The following GALK2 variants were observed in gnomAD, a reference collection of about 807,000 sequenced individuals.
GALK2 encodes the protein galactokinase 2.
GALK2 carries 36 observed loss-of-function variants against 52.4 expected under a neutral mutation model. The observed-to-expected ratio is 0.69, with a 90% CI of 0.53 to 0.91. The LOEUF (loss-of-function observed/expected upper bound fraction) is 0.91, where lower values mean the gene tolerates loss of function less well. Ranked by LOEUF, GALK2 falls within the 40% of genes least tolerant of loss-of-function variation. GALK2 has a pLI of 0.00. For missense variants in GALK2, 579 were observed against 559.1 expected (o/e 1.04, Z -0.36); for synonymous variants, 176 against 199.1 (o/e 0.88, Z 0.98).
chr15:49,268,852 A>G (rs1399458184), intron 5 of GALK2, among the ~76,000 whole-genome samples: 1 of 152,192 alleles, frequency 6.6e-6, no homozygotes, highest in Non-Finnish European at 1.5e-5. Flanking sequence ...GTTCCATTAG[A>G]AATTACTTCC....
intron 3 of GALK2, among the ~76,000 whole-genome samples, chr15:49,347,025 A>G (rs2041604759): frequency 6.6e-6 from 1 of 152,266 alleles, no homozygotes; most frequent in Non-Finnish European, 1.5e-5. Flanking sequence ...AGGAAATAAC[A>G]TCATTGTTGG....
chr15:49,328,133 G>T lies in GALK2; in HGVS notation c.1351G>T (p.Gly451Trp). ...QSLFATKPGGGALVLLEA is the reference protein window; with the variant it reads ...QSLFATKPGGWALVLLEA ...TTTGTTTGCTACCAAACCTGGAGGT[G>T]GGGCTTTGGTTTTGCTTGAGGCCTG... is the stretch of plus-strand genomic sequence containing the variant. Residue 451 changes from glycine (G) to tryptophan (W), a missense_variant, in exon 10 of 10, where the codon GGG becomes TGG. Transcript: ENST00000560031. The T allele has an allele frequency of 1.2e-6, 2 of 1,614,010 alleles. No individual in the cohort carries two copies. The highest frequency in any genetic ancestry group is 1.1e-5 in the South Asian group (1 of 91,048).
exon 4 of GALK2, chr15:49,367,631 A>G: frequency 6.5e-7 from 1 of 1,528,686 alleles, no homozygotes; most frequent in Non-Finnish European, 8.7e-7. Context: ...GAAAATAATC[A>G]AGACAACGAT....
At chr15:49,166,054 G>T (rs751142867), upstream of GALK2, among the ~76,000 whole-genome samples, 1 of 151,768 alleles carries the variant, frequency 6.6e-6, no homozygotes, top group East Asian at 1.9e-4. Context: ...TGCCCGCCTC[G>T]GCCTCCCAAA....
chr15:49,311,363 A>G (rs1039876446), intron 8 of GALK2, among the ~76,000 whole-genome samples: 1 of 152,222 alleles, frequency 6.6e-6, no homozygotes, highest in African/African-American at 2.4e-5. Flanking sequence ...TCTTAGCATG[A>G]CATACAAAGT....
chr15:49,262,336 A>G (rs944145536), intron 5 of GALK2, among the ~76,000 whole-genome samples: 2 of 151,786 alleles, frequency 1.3e-5, no homozygotes, highest in Non-Finnish European at 2.9e-5. Flanking sequence ...TTTCTTCTGG[A>G]TTTTCTAGTT....
intron 1 of GALK2, among the ~76,000 whole-genome samples, chr15:49,198,385 G>T (rs925433875): frequency 1.3e-5 from 2 of 152,178 alleles, no homozygotes; most frequent in Non-Finnish European, 2.9e-5. Flanking sequence ...CTTCATGCCA[G>T]TGCTGGGCTG....
chr15:49,209,713 A>G lies in GALK2; in HGVS notation c.143-7477A>G, dbSNP rs898799504. Among the ~76,000 whole-genome samples, 11 of 152,150 alleles carry G rather than the reference A, an allele frequency of 7.2e-5. No homozygotes were observed. In the East Asian group the frequency reaches 1.9e-3, roughly 27 times the overall value. ...CTTGATCATGGTATATAATCTTTTT[A>G]TGGGCTCTTGGGTTCATTTTGCCAA... is the stretch of plus-strand genomic sequence containing the variant. On this transcript the variant is annotated intron_variant, in intron 2 of 9. Transcript: ENST00000560031.
At chr15:49,287,753 G>A (rs1408550328) in intron 7 of GALK2, among the ~76,000 whole-genome samples, 1 of 152,156 alleles carries the variant, frequency 6.6e-6, no homozygotes, top group Non-Finnish European at 1.5e-5. Context: ...GCTCCACATG[G>A]CAAAGTTGTA....
intron 3 of GALK2, among the ~76,000 whole-genome samples, chr15:49,352,576 G>A (rs1167195995): frequency 2.0e-5 from 3 of 152,100 alleles, no homozygotes; most frequent in Non-Finnish European, 2.9e-5. Flanking sequence ...CCTACCATAT[G>A]TATTTTCCTA....
chr15:49,269,785 A>G (rs1490414856), intron 5 of GALK2, among the ~76,000 whole-genome samples: 1 of 152,150 alleles, frequency 6.6e-6, no homozygotes, highest in Non-Finnish European at 1.5e-5. Context: ...CTGCTTCACA[A>G]ATTAGCCCTT....
At chr15:49,292,084 T>G (rs945425850) in intron 7 of GALK2, among the ~76,000 whole-genome samples, 1 of 151,898 alleles carries the variant, frequency 6.6e-6, no homozygotes, top group African/African-American at 2.4e-5. Context: ...TTGTGTGTGT[T>G]TGCGTGTGTG....
chr15:49,190,815 G>A (rs1010816721), intron 1 of GALK2, among the ~76,000 whole-genome samples: 14 of 152,174 alleles, frequency 9.2e-5, no homozygotes, highest in African/African-American at 3.4e-4. Flanking sequence ...GAATTCAGTT[G>A]TTTCTGTATG....
intron 3 of GALK2, among the ~76,000 whole-genome samples, chr15:49,227,411 T>C (rs1465325344): frequency 6.6e-6 from 1 of 152,164 alleles, no homozygotes; most frequent in African/African-American, 2.4e-5. Flanking sequence ...TTTTTTTGAC[T>C]TAAAGTCTAT....
intron 3 of GALK2, among the ~76,000 whole-genome samples, chr15:49,358,201 A>C (rs563914843): frequency 6.6e-6 from 1 of 150,632 alleles, no homozygotes; most frequent in South Asian, 2.1e-4. Context: ...CCTCCTCACC[A>C]CTCCTATTCA....
chr15:49,366,623 T>A, intron 3 of GALK2: 1 of 1,590,700 alleles, frequency 6.3e-7, no homozygotes, highest in East Asian at 2.2e-5. Context: ...GGCTGTCAGC[T>A]GGAGCAGGAA....
At chr15:49,319,212 C>A (rs562614776) in intron 8 of GALK2, 30 of 352,340 alleles carry the variant, frequency 8.5e-5, no homozygotes, top group African/African-American at 6.5e-4. Flanking sequence ...CCTCGGCCTC[C>A]CAAAGTGCTG....
chr15:49,186,173 A>G (rs1203768769), intron 1 of GALK2, among the ~76,000 whole-genome samples: 1 of 152,068 alleles, frequency 6.6e-6, no homozygotes, highest in African/African-American at 2.4e-5. Flanking sequence ...GTTCTCTTTT[A>G]TTATCCCTTT....
intron 5 of GALK2, among the ~76,000 whole-genome samples, chr15:49,276,205 TGTG>T (rs1034474099): frequency 3.3e-5 from 5 of 152,210 alleles, no homozygotes; most frequent in African/African-American, 9.6e-5. Context: ...CTGGGTTTCT[TGTG>T]GTGCTCAAGT....
Sources: gnomAD v4.1 joint callset for allele counts (sites outside exome capture counted in the v4.1 genomes callset) on GRCh38, gnomAD v4.1.1 for gene constraint, MANE v1.5 for transcripts, NCBI Gene and HGNC (gene_info 2026-07-23, HGNC 2026-07-21) for gene names.